The following VCPIP1 variants were observed in gnomAD, a reference collection of about 807,000 sequenced individuals.
The protein encoded by VCPIP1 is valosin containing protein interacting protein 1.
In VCPIP1, 8 loss-of-function variants were observed where a neutral mutation model predicts 85.0. The ratio of observed to expected loss-of-function variants is 0.09; its 90% CI spans 0.06 to 0.17. The LOEUF (loss-of-function observed/expected upper bound fraction) is 0.17. VCPIP1 is among the 10% of genes least tolerant of loss of function. VCPIP1 has a pLI of 1.00. For missense variants in VCPIP1, 1,070 were observed against 1,486.3 expected (o/e 0.72, Z 4.61); for synonymous variants, 543 against 544.5 (o/e 1.00, Z 0.04).
In VCPIP1 at chr8:66,643,144, G is replaced by A. The variant is rs112615613; in HGVS notation, c.2798-7772C>T. 8.8e-3 allele frequency among the ~76,000 whole-genome samples: 1,335 copies of A among 152,052 alleles called. 21 individuals carry two copies. Among genetic ancestry groups the A allele is most frequent in the African/African-American group, 0.029 (1,222 of 41,470 alleles). On this transcript the variant is annotated intron_variant, in intron 2 of 2. Coordinates refer to ENST00000310421, the MANE Select transcript of VCPIP1 (RefSeq NM_025054.5). ...TCTAGACCAGCCTGGCCAACATGGC[G>A]AAACCCCATGTCTACTAAAAATACA...
intron 2 of VCPIP1, among the ~76,000 whole-genome samples, chr8:66,646,957 A>ATG (rs1811001403): frequency 6.6e-6 from 1 of 152,144 alleles, no homozygotes; most frequent in East Asian, 1.9e-4. Context: ...CCCAGGAGGC[A>ATG]GAGGTTGCAG....
chr8:66,653,127 A>G (rs1811069298), intron 1 of VCPIP1, among the ~76,000 whole-genome samples: 1 of 152,254 alleles, frequency 6.6e-6, no homozygotes, highest in South Asian at 2.1e-4. Context: ...TGACAATTAA[A>G]GTTTCAGTTA....
chr8:66,635,537 C>T (rs915084687), intron 2 of VCPIP1, among the ~76,000 whole-genome samples, 165 bp from the exon 3 acceptor site: 5 of 152,190 alleles, frequency 3.3e-5, no homozygotes, highest in African/African-American at 7.2e-5. Context: ...AAAGAACCAC[C>T]GCCATAGACC....
At position 66,635,391 on chromosome 8, in the gene VCPIP1, A is replaced by G; in HGVS notation, c.2798-19T>C. ...GCCATACCTAAAAAGGGGAAAAGATATTTAACATATTAAAATCTTAAGGTA... is the reference window on the plus strand; with the variant it reads ...GCCATACCTAAAAAGGGGAAAAGATGTTTAACATATTAAAATCTTAAGGTA... On this transcript the variant is annotated intron_variant, in intron 2 of 2. Coordinates refer to ENST00000310421, the MANE Select transcript of VCPIP1 (RefSeq NM_025054.5). 1 of 1,573,204 alleles carries G rather than the reference A, an allele frequency of 6.4e-7. No individual in the cohort carries two copies. The highest frequency in any genetic ancestry group is 8.6e-7 in the Non-Finnish European group (1 of 1,164,036).
chr8:66,638,561 C>T (rs894337661), intron 2 of VCPIP1, among the ~76,000 whole-genome samples: 1 of 150,646 alleles, frequency 6.6e-6, no homozygotes, highest in Non-Finnish European at 1.5e-5. Flanking sequence ...GGGTGGATCA[C>T]GAGGTCAGCA....
chr8:66,659,833 G>A (rs1001344373), intron 1 of VCPIP1, among the ~76,000 whole-genome samples: 1 of 152,102 alleles, frequency 6.6e-6, no homozygotes, highest in East Asian at 1.9e-4. Context: ...TTGAGAGGTT[G>A]AGAATCACTT....
At position 66,664,642 on chromosome 8, in the gene VCPIP1, TAGA is replaced by T; in HGVS notation, c.2314_2316del (p.Ser772del). 1 of 1,613,760 alleles carries T rather than the reference TAGA, an allele frequency of 6.2e-7. No individual in the cohort carries two copies. Among genetic ancestry groups the T allele is most frequent in the Non-Finnish European group, 8.5e-7 (1 of 1,179,842 alleles). On this transcript the variant is annotated inframe_deletion, in exon 1 of 3. Coordinates refer to ENST00000310421, the MANE Select transcript of VCPIP1 (RefSeq NM_025054.5). Reference sequence around the variant, plus strand: ...GTTGTGATTCGGATCTTCTTCTCCTTAGAAGTTGTCGGTGAATAGGGAGCCTTG... The same window carrying T: ...GTTGTGATTCGGATCTTCTTCTCCTTAGTTGTCGGTGAATAGGGAGCCTTG...
intron 2 of VCPIP1, among the ~76,000 whole-genome samples, chr8:66,649,772 G>GTTTATATGT (rs1811034329): frequency 6.6e-6 from 1 of 152,106 alleles, no homozygotes; most frequent in South Asian, 2.1e-4. Context: ...CGGTGGTGGT[G>GTTTATATGT]TTGGTTACAT....
chr8:66,641,873 C>T (rs1389236411), intron 2 of VCPIP1, among the ~76,000 whole-genome samples: 2 of 152,166 alleles, frequency 1.3e-5, no homozygotes, highest in South Asian at 4.1e-4. Context: ...CCATTTTAGG[C>T]TATGATGAAT....
intron 2 of VCPIP1, among the ~76,000 whole-genome samples, chr8:66,638,933 A>AC (rs1402885067): frequency 1.4e-5 from 2 of 139,132 alleles, no homozygotes; most frequent in African/African-American, 5.8e-5. Flanking sequence ...CTGCAAGAAA[A>AC]CTTTCTCTCT....
rs1810942002 is a variant in VCPIP1, at chr8:66,641,004, C to T, written c.2798-5632G>A. ...TGGAGGGGAAAGATAAAAGGGCACA[C>T]TGTTAACACATGCCCTCTGGGGCCC... On this transcript the variant is annotated intron_variant, in intron 2 of 2. Coordinates refer to ENST00000310421, the MANE Select transcript of VCPIP1 (RefSeq NM_025054.5). Among the ~76,000 whole-genome samples the T allele has an allele frequency of 2.6e-5, 4 of 152,238 alleles. No individual in the cohort carries two copies. The South Asian group carries it at 8.3e-4, about 31-fold the overall frequency.
intron 2 of VCPIP1, among the ~76,000 whole-genome samples, chr8:66,638,970 C>CTCTCTCTCTCTCTATATATATATATA: frequency 5.9e-5 from 7 of 118,440 alleles, no homozygotes; most frequent in African/African-American, 2.7e-4. Flanking sequence ...CTCTCTCTCT[C>CTCTCTCTCTCTCTATATATATATATA]TATATATATA....
In VCPIP1 at chr8:66,635,106, C is replaced by G. The variant is rs780183088; in HGVS notation, c.3064G>C (p.Val1022Leu). The G allele has an allele frequency of 6.2e-7, 1 of 1,614,188 alleles. No individual in the cohort carries two copies. Among genetic ancestry groups the G allele is most frequent in the East Asian group, 2.2e-5 (1 of 44,884 alleles). Reference sequence around the variant, plus strand: ...TGCCCTTTTCCCTGAAAGGCAGTTACGTTATGAAGTTGCTCAGATTTCTTT... The same window carrying G: ...TGCCCTTTTCCCTGAAAGGCAGTTAGGTTATGAAGTTGCTCAGATTTCTTT... ...VKKKSEQLHNVTAFQGKGHSL... is the reference protein window; with the variant it reads ...VKKKSEQLHNLTAFQGKGHSL... The change falls in exon 3 of 3, where the codon GTA becomes CTA. Residue 1022 changes from valine (V) to leucine (L), a missense_variant. Transcript: ENST00000310421.
chr8:66,651,259 T>C (rs1356924349), intron 2 of VCPIP1, among the ~76,000 whole-genome samples, 199 bp downstream of exon 2: 1 of 150,200 alleles, frequency 6.7e-6, no homozygotes, highest in Non-Finnish European at 1.5e-5. Context: ...AACAAAGTGA[T>C]AGATTTTTAG....
chr8:66,667,115 C>T lies in VCPIP1; in HGVS notation c.-157G>A. The T allele has an allele frequency of 7.2e-7, 1 of 1,394,086 alleles. No homozygotes were observed. Among genetic ancestry groups the T allele is most frequent in the Non-Finnish European group, 9.3e-7 (1 of 1,074,474 alleles). The allele number at this position is 1,394,086 out of a possible 1,614,324, so 86.4% of individuals were successfully genotyped here. A position where few individuals can be genotyped will look rare whatever the true frequency, so the allele number is the denominator to read the frequency against. On this transcript the variant is annotated 5_prime_UTR_variant, in exon 1 of 3. Transcript: ENST00000310421. ...CTCCTCCTAAGCGAAGGCGGAAGCG[C>T]CGGACGTTGTTTCTCTTCTTACTTC...
At position 66,666,242 on chromosome 8, in the gene VCPIP1, T is replaced by C. The variant is rs1185203508; in HGVS notation, c.717A>G (p.Arg239=). Reference sequence around the variant, plus strand: ...GCTGAAAGTGCTGTTTAAGATTCTCTCTTAAGGCATGCCAGAAGAGCTCTC... The same window carrying C: ...GCTGAAAGTGCTGTTTAAGATTCTCCCTTAAGGCATGCCAGAAGAGCTCTC... The part of the protein sequence containing the change: ...VGRELFWHAL[R]ENLKQHFQQH... The change falls in exon 1 of 3, where the codon AGA becomes AGG. Residue 239 remains arginine, a synonymous_variant. Coordinates refer to ENST00000310421, the MANE Select transcript of VCPIP1 (RefSeq NM_025054.5). This position sits in a 1 kb window ranked among gnomAD's most constrained non-coding sequence, Gnocchi z 6.3. 5 of 1,613,874 alleles carry C rather than the reference T, an allele frequency of 3.1e-6. No homozygotes were observed. Among genetic ancestry groups the C allele is most frequent in the Non-Finnish European group, 4.2e-6 (5 of 1,180,002 alleles).
intron 2 of VCPIP1, among the ~76,000 whole-genome samples, chr8:66,642,751 CA>C (rs1810959879): frequency 6.6e-6 from 1 of 152,082 alleles, no homozygotes; most frequent in Non-Finnish European, 1.5e-5. Flanking sequence ...AAACTAGAAA[CA>C]AAACTATTTT....
Position 66,666,469 on chromosome 8 carries a change from C to A in VCPIP1, c.490G>T (p.Gly164Cys), listed in dbSNP as rs779572286. Residue 164 changes from glycine (G) to cysteine (C), a missense_variant, in exon 1 of 3, where the codon GGT (glycine) becomes TGT (cysteine). This residue lies in a region of VCPIP1 where 118 missense variants were observed against 337.1 expected (regional missense o/e 0.35). Transcript: ENST00000310421. This position sits in a 1 kb window ranked among gnomAD's most constrained non-coding sequence, Gnocchi z 6.3. ...QGELFDCALL[G>C]DRAFLIEPEH... ...GGTTCTATGAGGAAGGCGCGGTCACCCAGTAAGGCGCAATCGAACAGTTCG... is the reference window on the plus strand; with the variant it reads ...GGTTCTATGAGGAAGGCGCGGTCACACAGTAAGGCGCAATCGAACAGTTCG... 2 of 1,614,166 alleles carry A rather than the reference C, an allele frequency of 1.2e-6. No homozygotes were observed. Among genetic ancestry groups the A allele is most frequent in the Non-Finnish European group, 1.7e-6 (2 of 1,180,034 alleles).
rs1810807605 is a variant in VCPIP1 at position 66,629,032 on chromosome 8, C to T, written c.*5469G>A. ...ACAAGTAAAATAAGTTTTAATGTAA[C>T]AAATTATTTAAATAATGTGTGCCCT... On this transcript the variant is annotated 3_prime_UTR_variant, in exon 3 of 3. Coordinates refer to ENST00000310421, the MANE Select transcript of VCPIP1 (RefSeq NM_025054.5). 6.6e-6 allele frequency: 1 copy of T among 152,194 alleles called. No homozygotes were observed. The highest frequency in any genetic ancestry group is 1.5e-5 in the Non-Finnish European group (1 of 68,028). The allele number at this position is 152,194 out of a possible 1,614,324, so 9.4% of individuals were successfully genotyped here.
Sources: allele counts gnomAD v4.1 joint callset (sites outside exome capture counted in the v4.1 genomes callset), GRCh38; gene constraint gnomAD v4.1.1; regional missense constraint gnomAD v4.1.1; non-coding constraint Gnocchi (gnomAD v3.1); transcripts MANE v1.5; gene names NCBI Gene and HGNC (gene_info 2026-07-23, HGNC 2026-07-21).